SNAP91: variants seen among roughly 807,000 people sequenced by gnomAD.
The protein encoded by SNAP91 is clathrin coat assembly protein AP180.
SNAP91 carries 27 observed loss-of-function variants against 100.3 expected under a neutral mutation model. The ratio of observed to expected loss-of-function variants is 0.27; its 90% CI spans 0.20 to 0.37. The LOEUF is 0.37. Among genes scored for constraint, SNAP91 ranks in the 10% least tolerant of loss-of-function variants. SNAP91 has a pLI of 1.00. For missense variants in SNAP91, 986 were observed against 1,123.7 expected, an observed-to-expected ratio of 0.88 and a Z score of 1.75; for synonymous variants, 404 against 398.6, an observed-to-expected ratio of 1.01 and a Z score of -0.16.
At chr6:83,601,724 A>C in intron 14 of SNAP91, 125 bp from the exon 15 acceptor site, 1 of 832,704 alleles carries the variant, frequency 1.2e-6, no homozygotes, top group South Asian at 1.5e-5. Context: ...TGTGTCTTCT[A>C]CACCATTTGC....
intron 2 of SNAP91, among the ~76,000 whole-genome samples, chr6:83,692,938 GTGTTTTTGTTTTT>G (rs1242944564): frequency 6.6e-6 from 1 of 152,056 alleles, no homozygotes; most frequent in African/African-American, 2.4e-5. Flanking sequence ...GTCATGTGGT[GTGTTTTTGTTTTT>G]TGTTTTTGAG....
chr6:83,618,073 C>A (rs1253835905), intron 9 of SNAP91, among the ~76,000 whole-genome samples: 1 of 151,740 alleles, frequency 6.6e-6, no homozygotes, highest in African/African-American at 2.4e-5. Context: ...TACACTGTAC[C>A]TTTAATGACA....
chr6:83,570,364 T>C (rs905749724), intron 26 of SNAP91, among the ~76,000 whole-genome samples: 4 of 152,128 alleles, frequency 2.6e-5, no homozygotes, highest in Non-Finnish European at 5.9e-5. Context: ...TTTGGAAAAT[T>C]TGCAGCCTGA....
intron 2 of SNAP91, among the ~76,000 whole-genome samples, chr6:83,699,373 C>T (rs2099262969): frequency 6.6e-6 from 1 of 151,342 alleles, no homozygotes; most frequent in Non-Finnish European, 1.5e-5. Context: ...TGAAAAAATT[C>T]AAAAACAAAA....
chr6:83,598,415 C>A (rs1387864687), intron 16 of SNAP91, among the ~76,000 whole-genome samples: 1 of 152,000 alleles, frequency 6.6e-6, no homozygotes, highest in Non-Finnish European at 1.5e-5. Context: ...AAGAATATTT[C>A]TGTTAAAAAT....
intron 26 of SNAP91, among the ~76,000 whole-genome samples, chr6:83,563,341 C>CA (rs1791317476): frequency 6.6e-6 from 1 of 151,966 alleles, no homozygotes; most frequent in East Asian, 1.9e-4. Context: ...CTTTTCATGA[C>CA]AAAAAATACT....
chr6:83,581,756 G>A (rs558469195), intron 23 of SNAP91, among the ~76,000 whole-genome samples: 27 of 152,300 alleles, frequency 1.8e-4, no homozygotes, highest in Admixed American at 1.2e-3. Flanking sequence ...CAAACAAAAT[G>A]ACAGCAGTGA....
chr6:83,559,259 T>TA (rs1783513840), intron 28 of SNAP91, among the ~76,000 whole-genome samples: 2 of 152,134 alleles, frequency 1.3e-5, no homozygotes, highest in Non-Finnish European at 2.9e-5. Context: ...GGTTGAAGAT[T>TA]GAGTTCCACA....
At chr6:83,666,143 C>T (rs1249991760) in intron 2 of SNAP91, among the ~76,000 whole-genome samples, 2 of 152,064 alleles carry the variant, frequency 1.3e-5, no homozygotes, top group African/African-American at 4.8e-5. Flanking sequence ...GAACAACATG[C>T]ATGCATTAAA....
rs7752421 is a variant in SNAP91 at position 83,607,814 on chromosome 6, A to T, written c.913-6T>A. 657,419 of 1,546,418 alleles carry T rather than the reference A, an allele frequency of 0.43. 142,393 individuals are homozygous for T. The highest frequency in any genetic ancestry group is 0.49 in the South Asian group (40,991 of 84,274). Reference sequence around the variant, plus strand: ...ACAGTTGTGGCTGGAGAAGACTGAAAGTGAAGATGCACAACACACTTGAGT... The same window carrying T: ...ACAGTTGTGGCTGGAGAAGACTGAATGTGAAGATGCACAACACACTTGAGT... On this transcript the variant is annotated splice_polypyrimidine_tract_variant and splice_region_variant and intron_variant, in intron 12 of 29. Coordinates refer to ENST00000369694, the MANE Select transcript of SNAP91 (RefSeq NM_001242792.2).
chr6:83,641,720 A>AT (rs1401735758), intron 7 of SNAP91, among the ~76,000 whole-genome samples: 3 of 152,186 alleles, frequency 2.0e-5, no homozygotes, highest in African/African-American at 7.2e-5. Context: ...TTTCTTTCAA[A>AT]CATCATGATG....
At chr6:83,591,171 C>A in intron 22 of SNAP91, 40 bp downstream of exon 22, 1 of 1,270,916 alleles carries the variant, frequency 7.9e-7, no homozygotes, top group South Asian at 1.2e-5. Flanking sequence ...AAAATATATC[C>A]AAATTTAACT....
rs184084879 is a variant in SNAP91, at chr6:83,632,030, T to A, written c.766-8688A>T. Among the ~76,000 whole-genome samples the A allele has an allele frequency of 3.3e-5, 5 of 152,272 alleles. No individual in the cohort carries two copies. The East Asian group carries it at 9.7e-4, about 29-fold the overall frequency. On this transcript the variant is annotated intron_variant, in intron 8 of 29. Coordinates refer to ENST00000369694, the MANE Select transcript of SNAP91 (RefSeq NM_001242792.2). ...TTAGAGCTCCTTTTAGCAGTTCTTG[T>A]AGTGGTGGCTTGGTAGTGGTGAATT... is the stretch of plus-strand genomic sequence containing the variant.
At chr6:83,594,975 AT>A (rs1176656245) in intron 16 of SNAP91, among the ~76,000 whole-genome samples, 2 of 152,162 alleles carry the variant, frequency 1.3e-5, no homozygotes, top group Non-Finnish European at 2.9e-5. Flanking sequence ...TAGTTTTAAG[AT>A]TTTTTATAAT....
At chr6:83,667,903 ATGGGAGAAAATT>A (rs771433379) in intron 2 of SNAP91, among the ~76,000 whole-genome samples, 47 of 152,032 alleles carry the variant, frequency 3.1e-4, no homozygotes, top group Non-Finnish European at 6.0e-4. Context: ...AACCTACAGA[ATGGGAGAAAATT>A]TTTGCAATCT....
chr6:83,668,738 T>G (rs1280875983), intron 2 of SNAP91, among the ~76,000 whole-genome samples: 8 of 151,862 alleles, frequency 5.3e-5, no homozygotes, highest in Admixed American at 5.3e-4. Flanking sequence ...AAGTGACGAG[T>G]AATTTTTAAT....
chr6:83,617,003 G>C lies in SNAP91; in HGVS notation c.844C>G (p.Leu282Val). Residue 282 changes from leucine (L) to valine (V), a missense_variant, in exon 10 of 30, where the codon CTA (leucine) becomes GTA (valine). Physicochemically the swap from Leu to Val is conservative, Grantham distance 32. Transcript: ENST00000369694. ...GGTTTCTTTCCTTCTAATGTATTTA[G>C]ATGCTGTTCAAGCGTCTCCATAAGA... ...SSLMETLEQHLNTLEGKKPGN... is the reference protein window; with the variant it reads ...SSLMETLEQHVNTLEGKKPGN... The C allele has an allele frequency of 6.5e-7, 1 of 1,548,224 alleles. No homozygotes were observed. Among genetic ancestry groups the C allele is most frequent in the Non-Finnish European group, 8.7e-7 (1 of 1,145,174 alleles).
intron 5 of SNAP91, among the ~76,000 whole-genome samples, chr6:83,661,095 T>G (rs1035337095): frequency 1.3e-5 from 2 of 152,300 alleles, no homozygotes; most frequent in East Asian, 1.9e-4. Flanking sequence ...GGTATCACTG[T>G]GCCAGGCCAA....
chr6:83,684,088 C>A (rs546271941), intron 2 of SNAP91, among the ~76,000 whole-genome samples: 1 of 152,092 alleles, frequency 6.6e-6, no homozygotes, highest in African/African-American at 2.4e-5. Flanking sequence ...AATACAAATG[C>A]GATTATGTCT....
Sources: allele counts gnomAD v4.1 joint callset (sites outside exome capture counted in the v4.1 genomes callset), GRCh38; gene constraint gnomAD v4.1.1; transcripts MANE v1.5; gene names NCBI Gene and HGNC (gene_info 2026-07-23, HGNC 2026-07-21).